ZC3H12B: variants seen among roughly 807,000 people sequenced by gnomAD.
ZC3H12B encodes zinc finger CCCH-type containing 12B.
ZC3H12B carries 7 observed loss-of-function variants against 43.9 expected under a neutral mutation model. The ratio of observed to expected loss-of-function variants is 0.16; its 90% CI spans 0.09 to 0.30. The LOEUF (loss-of-function observed/expected upper bound fraction) is 0.30, where lower values mean the gene tolerates loss of function less well. ZC3H12B is among the 10% of genes least tolerant of loss of function. The pLI is 1.00. For synonymous variants in ZC3H12B, 222 were observed against 241.7 expected, an observed-to-expected ratio of 0.92 and a Z score of 0.76; for missense variants, 475 against 670.2, an observed-to-expected ratio of 0.71 and a Z score of 3.22.
the ZC3H12B span, among the ~76,000 whole-genome samples, chrX:65,164,392 G>A: frequency 5.4e-5 from 6 of 111,207 alleles, no homozygotes; most frequent in Non-Finnish European, 1.1e-4. Context: ...CTCAAACACC[G>A]CTCAGGTTTT....
intron 3 of ZC3H12B, among the ~76,000 whole-genome samples, chrX:65,478,144 T>G (rs1429962238): frequency 8.9e-6 from 1 of 112,062 alleles, no homozygotes; most frequent in Non-Finnish European, 1.9e-5. Context: ...ATATTTTAAA[T>G]AGCTGATTTA....
chrX:65,333,158 G>A, the ZC3H12B span, among the ~76,000 whole-genome samples: 6 of 111,321 alleles, frequency 5.4e-5, no homozygotes, highest in African/African-American at 2.0e-4. Flanking sequence ...TACAGGTAAG[G>A]AACTATGCAC....
the ZC3H12B span, among the ~76,000 whole-genome samples, chrX:65,133,997 C>G: frequency 1.8e-5 from 2 of 110,782 alleles, no homozygotes; most frequent in Non-Finnish European, 3.8e-5. Flanking sequence ...TATTTAGAAC[C>G]ATTATCGAGT....
chrX:65,266,763 C>A, the ZC3H12B span, among the ~76,000 whole-genome samples: 6 of 111,237 alleles, frequency 5.4e-5, no homozygotes, highest in Admixed American at 1.9e-4. Context: ...AACTACTTGA[C>A]CAGTGCAAGG....
the ZC3H12B span, among the ~76,000 whole-genome samples, chrX:65,129,287 A>G: frequency 9.3e-6 from 1 of 107,874 alleles, no homozygotes; most frequent in Non-Finnish European, 1.9e-5. Flanking sequence ...ATATACACAC[A>G]CTAGAATATA....
chrX:65,239,485 A>G, the ZC3H12B span, among the ~76,000 whole-genome samples: 1 of 107,016 alleles, frequency 9.3e-6, no homozygotes, highest in Admixed American at 1.0e-4. Context: ...TGCACATGTG[A>G]TGGGTCTTTT....
At chrX:65,478,261 G>A (rs2068021301) in intron 3 of ZC3H12B, among the ~76,000 whole-genome samples, 1 of 111,881 alleles carries the variant, frequency 8.9e-6, no homozygotes. Flanking sequence ...CTATATTTGA[G>A]CTCCTTGGCT....
At chrX:65,117,245 C>T in the ZC3H12B span, among the ~76,000 whole-genome samples, 11 of 111,643 alleles carry the variant, frequency 9.9e-5, no homozygotes, top group Admixed American at 2.8e-4. Context: ...TTTTAATGAT[C>T]GCCATTCTAA....
chrX:65,319,890 C>A, the ZC3H12B span, among the ~76,000 whole-genome samples: 2 of 111,323 alleles, frequency 1.8e-5, no homozygotes, highest in African/African-American at 6.5e-5. Flanking sequence ...TAAATAAAAA[C>A]CCTCAGTAAA....
At chrX:65,089,150 T>A in the ZC3H12B span, among the ~76,000 whole-genome samples, 1 of 111,588 alleles carries the variant, frequency 9.0e-6, no homozygotes, top group African/African-American at 3.3e-5. Flanking sequence ...CTGTCTTGTG[T>A]TACTTAATGT....
chrX:65,341,875 G>T, the ZC3H12B span, among the ~76,000 whole-genome samples: 1 of 110,551 alleles, frequency 9.0e-6, no homozygotes, highest in Non-Finnish European at 1.9e-5. Flanking sequence ...TACTAACTTT[G>T]AATGTAAACA....
chrX:65,065,978 G>GT, the ZC3H12B span, among the ~76,000 whole-genome samples: 4 of 107,014 alleles, frequency 3.7e-5, no homozygotes, highest in Admixed American at 3.0e-4. Flanking sequence ...CTCGTTCTGT[G>GT]TTTTTTCAGC....
chrX:65,471,433 A>G (rs1035103132), intron 3 of ZC3H12B, among the ~76,000 whole-genome samples: 6 of 91,004 alleles, frequency 6.6e-5, no homozygotes, highest in Non-Finnish European at 1.3e-4. Flanking sequence ...AACAGTAGAT[A>G]TTTGGTTTGT....
intron 3 of ZC3H12B, among the ~76,000 whole-genome samples, chrX:65,466,915 AATATATATATATATATAT>A (rs58150008): frequency 0.01 from 249 of 23,938 alleles, 12 homozygotes; most frequent in Middle Eastern, 0.083. Flanking sequence ...TATAAAACCA[AATATATATATATATATAT>A]ATATATATAT....
At chrX:65,241,374 A>G in the ZC3H12B span, among the ~76,000 whole-genome samples, 1 of 109,060 alleles carries the variant, frequency 9.2e-6, no homozygotes, top group Non-Finnish European at 1.9e-5. Context: ...GGGACTCCTC[A>G]TGAGGACCAC....
At chrX:65,084,280 T>G in the ZC3H12B span, among the ~76,000 whole-genome samples, 1 of 111,647 alleles carries the variant, frequency 9.0e-6, no homozygotes, top group Non-Finnish European at 1.9e-5. Context: ...TTAAAAAGCT[T>G]CTGCACTGCA....
chrX:65,135,517 T>C, the ZC3H12B span, among the ~76,000 whole-genome samples: 2 of 107,612 alleles, frequency 1.9e-5, no homozygotes, highest in Non-Finnish European at 3.8e-5. Flanking sequence ...TTATAATATA[T>C]ATTATAATGG....
the ZC3H12B span, among the ~76,000 whole-genome samples, chrX:65,153,381 T>G: frequency 9.0e-6 from 1 of 110,987 alleles, no homozygotes; most frequent in Non-Finnish European, 1.9e-5. Flanking sequence ...TCAAACAAAT[T>G]TACAAGAAAA....
chrX:65,212,650 C>T, the ZC3H12B span, among the ~76,000 whole-genome samples: 1 of 77,503 alleles, frequency 1.3e-5, no homozygotes, highest in East Asian at 4.0e-4. Flanking sequence ...GATTATATAT[C>T]ATATATTATA....
Sources: allele counts gnomAD v4.1 joint callset (sites outside exome capture counted in the v4.1 genomes callset), GRCh38; gene constraint gnomAD v4.1.1; transcripts MANE v1.5; gene names NCBI Gene and HGNC (gene_info 2026-07-23, HGNC 2026-07-21).